Variants in PLAC8L1 observed in about 807,000 individuals in gnomAD.
PLAC8L1 encodes the protein PLAC8-like protein 1.
Under a neutral mutation model 16.3 loss-of-function variants are expected in PLAC8L1, and 13 were observed. The ratio of observed to expected loss-of-function variants is 0.80; its 90% confidence interval spans 0.52 to 1.27. PLAC8L1 has a LOEUF of 1.27. Among genes scored for constraint, PLAC8L1 ranks in the 50% most tolerant of loss-of-function variants. The probability of loss-of-function intolerance (pLI) is 0.00; values close to 1 mark genes in which losing one functional copy is unlikely to be tolerated. For missense variants in PLAC8L1, 184 were observed against 220.2 expected (o/e 0.84, Z 1.04); for synonymous variants, 78 against 79.3 (o/e 0.98, Z 0.09).
chr5:146,104,058 T>C (rs1763868417), intron 1 of PLAC8L1, 135 bp downstream of exon 1: 2 of 1,414,534 alleles, frequency 1.4e-6, no homozygotes, highest in Non-Finnish European at 9.2e-7. Flanking sequence ...CTTTTCAAGT[T>C]TGCATGGAGA....
chr5:146,094,310 T>C (rs1763676191), intron 2 of PLAC8L1, among the ~76,000 whole-genome samples: 1 of 152,158 alleles, frequency 6.6e-6, no homozygotes, highest in African/African-American at 2.4e-5. Context: ...CTCAAACTCC[T>C]GACAGGTAAT....
chr5:146,099,658 C>CAAA (rs10581890), intron 1 of PLAC8L1, among the ~76,000 whole-genome samples: 11 of 88,726 alleles, frequency 1.2e-4, no homozygotes, highest in South Asian at 8.4e-4. Context: ...GACTCCGTCT[C>CAAA]AAAAAAAAAA....
rs1203701261 is a variant in PLAC8L1 at position 146,105,120 on chromosome 5, C to T, written c.-809G>A. Among the ~76,000 whole-genome samples, 2 of 151,970 alleles carry T rather than the reference C, an allele frequency of 1.3e-5. No individual in the cohort carries two copies. Among genetic ancestry groups the T allele is most frequent in the Admixed American group, 6.6e-5 (1 of 15,260 alleles). ...AGAAATATTAGGAAATATCCTAAGA[C>T]AAAAAATTAGGCAAAATTTCACGTT... On this transcript the variant is annotated 5_prime_UTR_variant, in exon 1 of 4. Transcript: ENST00000311450.
intron 1 of PLAC8L1, 154 bp downstream of exon 1, chr5:146,104,039 A>G: frequency 6.1e-6 from 6 of 985,454 alleles, no homozygotes; most frequent in Non-Finnish European, 7.2e-6. Flanking sequence ...GGAACAAATC[A>G]GTTGCCCTCT....
intron 2 of PLAC8L1, among the ~76,000 whole-genome samples, chr5:146,089,843 A>T (rs1580973514): frequency 6.6e-6 from 1 of 150,770 alleles, no homozygotes; most frequent in African/African-American, 2.4e-5. Context: ...GGTTCAAGAG[A>T]TTCTCCTGCC....
chr5:146,103,300 C>T (rs1032845544), intron 1 of PLAC8L1, among the ~76,000 whole-genome samples: 2 of 152,190 alleles, frequency 1.3e-5, no homozygotes, highest in African/African-American at 4.8e-5. Context: ...GCTGGGATTA[C>T]AGGCATGCAC....
At chr5:146,092,633 C>T (rs1763641036) in intron 2 of PLAC8L1, among the ~76,000 whole-genome samples, 1 of 151,342 alleles carries the variant, frequency 6.6e-6, no homozygotes, top group African/African-American at 2.4e-5. Flanking sequence ...CTTCCACCTC[C>T]CGGGTTCAAG....
In PLAC8L1 at chr5:146,098,201, C is replaced by T; in HGVS notation, c.211G>A (p.Gly71Ser). The change falls in exon 2 of 4, where the codon GGC becomes AGC. Residue 71 changes from glycine to serine, a missense_variant. By Grantham distance (56) the Gly-to-Ser change is moderately conservative. Transcript: ENST00000311450. ...TITAIVQTGG[G>S]WSTGLFSVCR... ...ACACTGAAGAGACCGGTGCTCCAGCCCCCGCCAGTCTGGACAATTGCTGTG... is the reference window on the plus strand; with the variant it reads ...ACACTGAAGAGACCGGTGCTCCAGCTCCCGCCAGTCTGGACAATTGCTGTG... The T allele has an allele frequency of 1.9e-6, 3 of 1,614,076 alleles. No homozygotes were observed. The highest frequency in any genetic ancestry group is 2.2e-5 in the East Asian group (1 of 44,892).
chr5:146,103,789 C>T, intron 1 of PLAC8L1: 1 of 985,444 alleles, frequency 1.0e-6, no homozygotes, highest in African/African-American at 1.7e-5. Flanking sequence ...TTACATGTCA[C>T]TCTTCCGTAA....
chr5:146,096,000 A>G lies in PLAC8L1; in HGVS notation c.256+2156T>C, dbSNP rs559326386. Among the ~76,000 whole-genome samples the G allele has an allele frequency of 1.4e-4, 21 of 152,356 alleles. No individual in the cohort carries two copies. The South Asian group carries it at 4.1e-3, about 30-fold the overall frequency. ...TCGTTTCCTAGGGCTGCCATAGCAA[A>G]ATACCACAAACTGGGTGGCTTAAAA... is the stretch of plus-strand genomic sequence containing the variant. On this transcript the variant is annotated intron_variant, in intron 2 of 3. Coordinates refer to ENST00000311450, the MANE Select transcript of PLAC8L1 (RefSeq NM_001029869.3).
At chr5:146,094,905 T>C (rs914328903) in intron 2 of PLAC8L1, among the ~76,000 whole-genome samples, 1 of 152,230 alleles carries the variant, frequency 6.6e-6, no homozygotes, top group Non-Finnish European at 1.5e-5. Context: ...GATGGGAATC[T>C]GGCATGGAAC....
intron 2 of PLAC8L1, among the ~76,000 whole-genome samples, chr5:146,088,887 G>A (rs1159252426): frequency 6.6e-6 from 1 of 152,106 alleles, no homozygotes; most frequent in Admixed American, 6.6e-5. Flanking sequence ...TGAATTAGGG[G>A]ATTTTGAAAT....
intron 2 of PLAC8L1, among the ~76,000 whole-genome samples, chr5:146,091,877 G>A (rs1032277549): frequency 5.9e-5 from 9 of 151,878 alleles, no homozygotes; most frequent in African/African-American, 2.2e-4. Flanking sequence ...CAAGGTAAAT[G>A]TATTGTTACT....
At chr5:146,085,303 A>C (rs1008376350) in intron 3 of PLAC8L1, among the ~76,000 whole-genome samples, 158 bp downstream of exon 3, 1 of 152,186 alleles carries the variant, frequency 6.6e-6, no homozygotes, top group Non-Finnish European at 1.5e-5. Flanking sequence ...GTAAAGAATA[A>C]AATTTTTAAA....
intron 2 of PLAC8L1, among the ~76,000 whole-genome samples, chr5:146,093,589 C>A (rs1348843430): frequency 6.6e-6 from 1 of 152,158 alleles, no homozygotes; most frequent in Non-Finnish European, 1.5e-5. Context: ...AATGAGAATA[C>A]AAGTTAAAAT....
rs1763875750 is a variant in PLAC8L1 at position 146,104,390 on chromosome 5, C to T, written c.-79G>A. On this transcript the variant is annotated 5_prime_UTR_variant, in exon 1 of 4. Transcript: ENST00000311450. ...GCTGGTTTCTAAACTTCGGATTAGT[C>T]CAAAGTGAAACATCTCTTGAAAGAA... 8 of 1,099,442 alleles carry T rather than the reference C, an allele frequency of 7.3e-6. No individual in the cohort carries two copies. The Admixed American group carries it at 1.4e-4, about 20-fold the overall frequency. The allele number at this position is 1,099,442 out of a possible 1,614,324, so 68.1% of individuals were successfully genotyped here.
At chr5:146,102,895 C>T (rs187741872) in intron 1 of PLAC8L1, among the ~76,000 whole-genome samples, 227 of 152,254 alleles carry the variant, frequency 1.5e-3, no homozygotes, top group African/African-American at 5.1e-3. Context: ...GTACCTGACA[C>T]GTAGTATGCA....
In PLAC8L1 at chr5:146,084,583, A is replaced by C. The variant is rs754990309; in HGVS notation, c.394-11T>G. The C allele has an allele frequency of 4.7e-5, 76 of 1,612,992 alleles. No homozygotes were observed. The highest frequency in any genetic ancestry group is 6.2e-5 in the Non-Finnish European group (73 of 1,179,968). ...TTCACACAGTGTGCCCTAGGGCAAG[A>C]CCAGAATCTGTTCTGTTGTAGTCAC... On this transcript the variant is annotated splice_polypyrimidine_tract_variant and intron_variant, in intron 3 of 3. Transcript: ENST00000311450.
At position 146,084,510 on chromosome 5, in the gene PLAC8L1, C is replaced by G; in HGVS notation, c.456G>C (p.Val152=). Residue 152 remains valine, a synonymous_variant, in exon 4 of 4, where the codon GTG becomes GTC. Transcript: ENST00000311450. ...AGGTCCTCATCTTGAGTTCCCGGGC[C>G]ACCTGGCAGATGGAAAAAGCCCAAC... is the stretch of plus-strand genomic sequence containing the variant. ...HCCWAFSICQ[V]ARELKMRTSQ... The G allele has an allele frequency of 6.2e-7, 1 of 1,614,174 alleles. No individual in the cohort carries two copies. The highest frequency in any genetic ancestry group is 8.5e-7 in the Non-Finnish European group (1 of 1,180,036).
Sources: allele counts gnomAD v4.1 joint callset (sites outside exome capture counted in the v4.1 genomes callset), GRCh38; gene constraint gnomAD v4.1.1; transcripts MANE v1.5; gene names NCBI Gene and HGNC (gene_info 2026-07-23, HGNC 2026-07-21).